The following BEST4 variants were observed in gnomAD, a reference collection of about 807,000 sequenced individuals.
The protein encoded by BEST4 is bestrophin 4.
In BEST4, 36 loss-of-function variants were observed where a neutral mutation model predicts 47.1. The observed-to-expected ratio is 0.76, with a 90% CI of 0.59 to 1.01. The LOEUF is 1.01. Among genes scored for constraint, BEST4 ranks in the 50% least tolerant of loss-of-function variants. BEST4 has a pLI of 0.00. For missense variants in BEST4, 550 were observed against 648.6 expected, an observed-to-expected ratio of 0.85 and a Z score of 1.65; for synonymous variants, 250 against 277.8, an observed-to-expected ratio of 0.90 and a Z score of 1.00.
At chr1:44,782,823 G>C (rs1024334024), downstream of BEST4, among the ~76,000 whole-genome samples, 4 of 152,068 alleles carry the variant, frequency 2.6e-5, no homozygotes, top group African/African-American at 7.2e-5. Context: ...TTTATCCTGT[G>C]GCCTTAATAT....
At position 44,787,592 on chromosome 1, in the gene BEST4, G is replaced by A. The variant is rs770473074; in HGVS notation, c.114C>T (p.Leu38=). Residue 38 remains leucine (L), a synonymous_variant, in exon 1 of 9, where the codon CTC becomes CTT. Coordinates refer to ENST00000372207, the MANE Select transcript of BEST4 (RefSeq NM_153274.3). ...IYKLLYKEFL[L]FGALYAVLSI... is the part of the protein sequence containing the mutation. ...TAAGCACAGCGTACAAGGCCCCAAA[G>A]AGGAGGAATTCCTTGTAGAGGAGCT... The A allele has an allele frequency of 5.0e-6, 8 of 1,614,102 alleles. No individual in the cohort carries two copies. Among genetic ancestry groups the A allele is most frequent in the South Asian group, 2.2e-5 (2 of 91,092 alleles).
In BEST4 at chr1:44,784,033, A is replaced by T; in HGVS notation, c.*177T>A. The T allele has an allele frequency of 1.7e-6, 1 of 598,064 alleles. No homozygotes were observed. The highest frequency in any genetic ancestry group is 3.5e-5 in the East Asian group (1 of 28,780). 37.0% of individuals were successfully genotyped at this position (598,064 alleles called of 1,614,324 possible). A position where few individuals can be genotyped will look rare whatever the true frequency, so the allele number is the denominator to read the frequency against. On this transcript the variant is annotated 3_prime_UTR_variant, in exon 9 of 9. Coordinates refer to ENST00000372207, the MANE Select transcript of BEST4 (RefSeq NM_153274.3). This position sits in a 1 kb window ranked among gnomAD's most constrained non-coding sequence, Gnocchi z 6.2. Reference sequence around the variant, plus strand: ...CCTTCTCTCCCACCAAAGTGGACACATTCCCAGCCCTGGCTCAGGCCCTTT... The same window carrying T: ...CCTTCTCTCCCACCAAAGTGGACACTTTCCCAGCCCTGGCTCAGGCCCTTT...
upstream of BEST4, among the ~76,000 whole-genome samples, chr1:44,790,730 G>C (rs928621683): frequency 2.6e-5 from 4 of 151,724 alleles, no homozygotes; most frequent in African/African-American, 9.7e-5. Flanking sequence ...GGGCGACATA[G>C]TGAGACCTGT....
chr1:44,785,443 G>T (rs1651183822), intron 5 of BEST4, 138 bp from the exon 6 acceptor site: 6 of 1,211,768 alleles, frequency 5.0e-6, no homozygotes, highest in African/African-American at 1.5e-5. Context: ...TGGGGACAGG[G>T]TCACCTTGTT....
upstream of BEST4, among the ~76,000 whole-genome samples, chr1:44,791,462 C>G (rs1365690979): frequency 2.0e-5 from 3 of 152,174 alleles, no homozygotes; most frequent in East Asian, 5.8e-4. Flanking sequence ...AGCTCTACCC[C>G]AGGAAGACCA....
chr1:44,785,431 A>G, intron 5 of BEST4, 126 bp from the exon 6 acceptor site: 1 of 1,158,336 alleles, frequency 8.6e-7, no homozygotes, highest in Non-Finnish European at 1.2e-6. Flanking sequence ...TGGCAGTACC[A>G]GTGGGGACAG....
upstream of BEST4, among the ~76,000 whole-genome samples, chr1:44,791,033 T>C (rs968938558): frequency 6.6e-6 from 1 of 151,582 alleles, no homozygotes; most frequent in Non-Finnish European, 1.5e-5. Context: ...CACCCCCTCT[T>C]TTGTTCTCCA....
At position 44,786,837 on chromosome 1, in the gene BEST4, C is replaced by CTCGCACAGCAGGGCA; in HGVS notation, c.248-142_248-141insTGCCCTGCTGTGCGA. ...GGAAGGAAACATTCAGCTCCAGTGC[C>CTCGCACAGCAGGGCA]CTGCTGTGCGAGGCCAGGAGGAGGG... On this transcript the variant is annotated intron_variant, in intron 2 of 8. Coordinates refer to ENST00000372207, the MANE Select transcript of BEST4 (RefSeq NM_153274.3). The surrounding 1 kb of genome is among the most constrained non-coding windows in gnomAD (Gnocchi z 4.9). 1.5e-6 allele frequency: 1 copy of CTCGCACAGCAGGGCA among 664,378 alleles called. No homozygotes were observed. Among genetic ancestry groups the CTCGCACAGCAGGGCA allele is most frequent in the Non-Finnish European group, 2.5e-6 (1 of 395,174 alleles). The allele number at this position is 664,378 out of a possible 1,614,324, so 41.2% of individuals were successfully genotyped here. A position where few individuals can be genotyped will look rare whatever the true frequency, so the allele number is the denominator to read the frequency against.
chr1:44,787,742 G>GC lies in BEST4; in HGVS notation c.-38dup. 7 of 1,611,886 alleles carry GC rather than the reference G, an allele frequency of 4.3e-6. No homozygotes were observed. The highest frequency in any genetic ancestry group is 5.9e-6 in the Non-Finnish European group (7 of 1,179,274). On this transcript the variant is annotated 5_prime_UTR_variant, in exon 1 of 9. Transcript: ENST00000372207. ...CCTGGGGCAGGAGGTCACAAGAGTT[G>GC]CCCCCAGGGCTGTCGTTTAGTTCTC...
downstream of BEST4, among the ~76,000 whole-genome samples, chr1:44,783,415 G>A (rs930376133): frequency 1.3e-5 from 2 of 152,026 alleles, no homozygotes; most frequent in African/African-American, 4.8e-5. Flanking sequence ...TAGGTCTAGG[G>A]TGGGTGGTGG....
At position 44,784,325 on chromosome 1, in the gene BEST4, G is replaced by T. The variant is rs1343672016; in HGVS notation, c.1307C>A (p.Thr436Asn). 1.1e-5 allele frequency: 16 copies of T among 1,395,352 alleles called. No homozygotes were observed. Among genetic ancestry groups the T allele is most frequent in the Non-Finnish European group, 1.3e-5 (14 of 1,085,064 alleles). 86.4% of individuals were successfully genotyped at this position (1,395,352 alleles called of 1,614,324 possible). The change falls in exon 9 of 9, where the codon ACC (threonine) becomes AAC (asparagine). Residue 436 changes from threonine to asparagine, a missense_variant. Physicochemically the swap from Thr to Asn is moderately conservative, Grantham distance 65. This residue lies in a region of BEST4 where 255 missense variants were observed against 286.6 expected (regional missense o/e 0.89). Transcript: ENST00000372207. This position sits in a 1 kb window ranked among gnomAD's most constrained non-coding sequence, Gnocchi z 6.2. Reference sequence around the variant, plus strand: ...GCGCAGCAGATGCGGGGGGCGGGGGGTGCCTCGCACGCGGCCGAAGTTCCG... The same window carrying T: ...GCGCAGCAGATGCGGGGGGCGGGGGTTGCCTCGCACGCGGCCGAAGTTCCG... ...SLRNFGRVRG[T>N]PRPPHLLRFR...
chr1:44,792,708 C>A (rs79513254), upstream of BEST4, among the ~76,000 whole-genome samples: 472 of 152,236 alleles, frequency 3.1e-3, 3 homozygotes, highest in African/African-American at 0.011. Context: ...CTTGACCCTC[C>A]TCCGTTGGCC....
chr1:44,785,002 C>G lies in BEST4; in HGVS notation c.913-17G>C, dbSNP rs373156176. The G allele has an allele frequency of 3.7e-6, 6 of 1,613,396 alleles. No homozygotes were observed. The South Asian group carries it at 6.6e-5, about 18-fold the overall frequency. On this transcript the variant is annotated splice_polypyrimidine_tract_variant and intron_variant, in intron 6 of 8. Transcript: ENST00000372207. ...TTCAGCCACCTATAGGTGGCAGAGA[C>G]AGGGTTTTCTGGGTTCAGAGCCCCA...
upstream of BEST4, among the ~76,000 whole-genome samples, chr1:44,790,420 G>A (rs1271791929): frequency 5.3e-5 from 8 of 151,966 alleles, no homozygotes; most frequent in African/African-American, 1.7e-4. Context: ...TATATGCCTA[G>A]CTCATTTGTA....
At position 44,785,464 on chromosome 1, in the gene BEST4, G is replaced by C. The variant is rs1009547844; in HGVS notation, c.714+135C>G. 9 of 1,204,272 alleles carry C rather than the reference G, an allele frequency of 7.5e-6. No homozygotes were observed. In the African/African-American group the frequency reaches 1.4e-4, roughly 18 times the overall value. The allele number at this position is 1,204,272 out of a possible 1,614,324, so 74.6% of individuals were successfully genotyped here. A position where few individuals can be genotyped will look rare whatever the true frequency, so the allele number is the denominator to read the frequency against. On this transcript the variant is annotated intron_variant, in intron 5 of 8. Transcript: ENST00000372207. The stretch of plus-strand genomic sequence containing the variant: ...CAGGGTCACCTTGTTGGGGGTGGTG[G>C]GGGGCTTTTAGGATGAACCCGGTGC...
chr1:44,788,858 C>T (rs1283610430), upstream of BEST4, among the ~76,000 whole-genome samples: 5 of 152,296 alleles, frequency 3.3e-5, no homozygotes, highest in African/African-American at 4.8e-5. Context: ...GTGCAGGCTC[C>T]GTTAAGCCCT....
Position 44,786,530 on chromosome 1 carries a change from C to A in BEST4, c.414G>T (p.Leu138=), listed in dbSNP as rs1190830150. 1.9e-6 allele frequency: 3 copies of A among 1,550,674 alleles called. No homozygotes were observed. The highest frequency in any genetic ancestry group is 8.7e-7 in the Non-Finnish European group (1 of 1,148,192). Residue 138 remains leucine, a synonymous_variant, in exon 3 of 9, where the codon CTG becomes CTT. Coordinates refer to ENST00000372207, the MANE Select transcript of BEST4 (RefSeq NM_153274.3). The surrounding 1 kb of genome is among the most constrained non-coding windows in gnomAD (Gnocchi z 4.9). ...CGCGGGTGCTGACCGAGCGCAGCACCAGCACGGACGCCAGGTTCGCGTAGC... is the reference window on the plus strand; with the variant it reads ...CGCGGGTGCTGACCGAGCGCAGCACAAGCACGGACGCCAGGTTCGCGTAGC... ...LIRYANLASV[L]VLRSVSTRVL...
Position 44,784,188 on chromosome 1 carries a change from C to A in BEST4, c.*22G>T. On this transcript the variant is annotated 3_prime_UTR_variant, in exon 9 of 9. Coordinates refer to ENST00000372207, the MANE Select transcript of BEST4 (RefSeq NM_153274.3). The surrounding 1 kb of genome is among the most constrained non-coding windows in gnomAD (Gnocchi z 6.2). ...GAAGGAGGGCAGTGGGTGGGGGAAA[C>A]CGGGCGGGGGCAGGCGAGACCTCAG... 7.2e-7 allele frequency: 1 copy of A among 1,387,894 alleles called. No individual in the cohort carries two copies. 86.0% of individuals were successfully genotyped at this position (1,387,894 alleles called of 1,614,324 possible). A position where few individuals can be genotyped will look rare whatever the true frequency, so the allele number is the denominator to read the frequency against.
chr1:44,784,193 C>G lies in BEST4; in HGVS notation c.*17G>C. 7.2e-7 allele frequency: 1 copy of G among 1,386,060 alleles called. No homozygotes were observed. The highest frequency in any genetic ancestry group is 3.7e-5 in the Admixed American group (1 of 27,166). The allele number at this position is 1,386,060 out of a possible 1,614,324, so 85.9% of individuals were successfully genotyped here. A position where few individuals can be genotyped will look rare whatever the true frequency, so the allele number is the denominator to read the frequency against. On this transcript the variant is annotated 3_prime_UTR_variant, in exon 9 of 9. Transcript: ENST00000372207. The surrounding 1 kb of genome is among the most constrained non-coding windows in gnomAD (Gnocchi z 6.2). ...AGGGCAGTGGGTGGGGGAAACCGGG[C>G]GGGGGCAGGCGAGACCTCAGGGCTC...
Sources: allele counts gnomAD v4.1 joint callset (sites outside exome capture counted in the v4.1 genomes callset), GRCh38; gene constraint gnomAD v4.1.1; regional missense constraint gnomAD v4.1.1; non-coding constraint Gnocchi (gnomAD v3.1); transcripts MANE v1.5; gene names NCBI Gene and HGNC (gene_info 2026-07-23, HGNC 2026-07-21).